Variants in POLN observed in about 807,000 individuals in gnomAD.
POLN encodes DNA polymerase N.
A neutral mutation model predicts 113.5 loss-of-function variants in POLN; 108 were observed. The ratio of observed to expected loss-of-function variants is 0.95; its 90% CI spans 0.81 to 1.12. The LOEUF is 1.12. POLN is among the 50% of genes most tolerant of loss of function. The pLI is 0.00. For synonymous variants in POLN, 386 were observed against 391.5 expected (o/e 0.99, Z 0.17); for missense variants, 1,097 against 1,077.1 (o/e 1.02, Z -0.26).
At chr4:2,167,903 A>G (rs994651198) in intron 13 of POLN, among the ~76,000 whole-genome samples, 1 of 152,176 alleles carries the variant, frequency 6.6e-6, no homozygotes, top group Non-Finnish European at 1.5e-5. Context: ...CTGTCTCAAA[A>G]AAAATTTTTT....
At chr4:2,157,513 TA>T (rs895170291) in intron 15 of POLN, among the ~76,000 whole-genome samples, 38 of 151,860 alleles carry the variant, frequency 2.5e-4, no homozygotes, top group African/African-American at 8.7e-4. Context: ...GATCACGACG[TA>T]AGAGTTTGAG....
At chr4:2,215,282 T>C (rs948270216) in intron 3 of POLN, among the ~76,000 whole-genome samples, 13 of 152,174 alleles carry the variant, frequency 8.5e-5, no homozygotes, top group Admixed American at 7.2e-4. Context: ...CTGAAGATGA[T>C]GACCTCATTT....
intron 9 of POLN, among the ~76,000 whole-genome samples, chr4:2,175,821 T>C (rs926752544): frequency 6.6e-6 from 1 of 152,186 alleles, no homozygotes. Context: ...AGCTACTGCC[T>C]GTCCCTGGAG....
At chr4:2,162,677 G>C (rs1732629061) in intron 13 of POLN, among the ~76,000 whole-genome samples, 1 of 151,820 alleles carries the variant, frequency 6.6e-6, no homozygotes, top group African/African-American at 2.4e-5. Flanking sequence ...GGCTGGTCTT[G>C]AACTCCTGGA....
At chr4:2,198,363 G>A (rs1164898253) in intron 6 of POLN, among the ~76,000 whole-genome samples, 161 bp downstream of exon 6, 1 of 152,134 alleles carries the variant, frequency 6.6e-6, no homozygotes, top group African/African-American at 2.4e-5. Flanking sequence ...GAGAGGGCCA[G>A]TATTTGCAGA....
At chr4:2,187,535 C>T (rs1216437820) in intron 7 of POLN, among the ~76,000 whole-genome samples, 1 of 152,136 alleles carries the variant, frequency 6.6e-6, no homozygotes. Context: ...TGAGCCACTG[C>T]GCCTGGCCCA....
At chr4:2,107,792 G>A (rs1284577359) in intron 19 of POLN, among the ~76,000 whole-genome samples, 1 of 152,168 alleles carries the variant, frequency 6.6e-6, no homozygotes, top group Non-Finnish European at 1.5e-5. Flanking sequence ...GGACAGCCAG[G>A]GAAAACTGCC....
chr4:2,237,260 A>T (rs559675382), intron 2 of POLN, among the ~76,000 whole-genome samples: 16 of 146,898 alleles, frequency 1.1e-4, no homozygotes, highest in Non-Finnish European at 1.9e-4. Flanking sequence ...TTGAAGCCCC[A>T]TCTCTACAAA....
At chr4:2,207,960 C>T in intron 5 of POLN, 27 bp downstream of exon 5, 1 of 1,553,180 alleles carries the variant, frequency 6.4e-7, no homozygotes. Context: ...GTCAAGACAG[C>T]AAATAAAAAC....
At chr4:2,241,349 G>A (rs1474098091) in intron 2 of POLN, among the ~76,000 whole-genome samples, 171 bp downstream of exon 2, 2 of 152,172 alleles carry the variant, frequency 1.3e-5, no homozygotes, top group East Asian at 1.9e-4. Flanking sequence ...AGATAAAATG[G>A]TTTAAAATGC....
At chr4:2,091,238 G>A (rs1169840672) in intron 20 of POLN, among the ~76,000 whole-genome samples, 1 of 152,210 alleles carries the variant, frequency 6.6e-6, no homozygotes, top group Non-Finnish European at 1.5e-5. Context: ...CAGAAGTCAT[G>A]CCTTGCTTTC....
At chr4:2,108,975 C>T (rs1057152233) in intron 19 of POLN, among the ~76,000 whole-genome samples, 1 of 151,862 alleles carries the variant, frequency 6.6e-6, no homozygotes, top group East Asian at 1.9e-4. Flanking sequence ...CAGGAGTGGG[C>T]GTCTGCTCTG....
intron 6 of POLN, among the ~76,000 whole-genome samples, chr4:2,196,810 T>G (rs1469492780): frequency 1.3e-5 from 2 of 152,166 alleles, no homozygotes; most frequent in Non-Finnish European, 1.5e-5. Context: ...CTCTGTACCT[T>G]TGTGTTTTCA....
Position 2,174,724 on chromosome 4 carries a change from T to C in POLN, c.1276A>G (p.Thr426Ala), listed in dbSNP as rs1732951694. The change falls in exon 10 of 26, where the codon ACT becomes GCT. Residue 426 changes from threonine to alanine, a missense_variant. Physicochemically the swap from Thr to Ala is moderately conservative, Grantham distance 58. Transcript: ENST00000511885. ...KDYGLWQLFR[T>A]LELPLIPILA... is the part of the protein sequence containing the mutation. ...ATTGGTATCAGAGGAAGCTCCAAAG[T>C]ACGAAATAGTTGCCATAAACCATAA... 6.2e-7 allele frequency: 1 copy of C among 1,609,766 alleles called. No individual in the cohort carries two copies.
chr4:2,075,380 G>T, intron 24 of POLN, 72 bp downstream of exon 24: 1 of 1,504,538 alleles, frequency 6.6e-7, no homozygotes, highest in Non-Finnish European at 9.2e-7. Context: ...TTCCTGGGCT[G>T]TGCCCATGGG....
rs776251337 is a variant in POLN, at chr4:2,170,661, A to G, written c.1554+18T>C. 2.5e-6 allele frequency: 4 copies of G among 1,598,252 alleles called. No individual in the cohort carries two copies. In the Admixed American group the frequency reaches 5.0e-5, roughly 20 times the overall value. ...TGCTGTCATTCTAAAAAGAAAAAGGATAACTCTGAAACCTTACCACTGCTT... is the reference window on the plus strand; with the variant it reads ...TGCTGTCATTCTAAAAAGAAAAAGGGTAACTCTGAAACCTTACCACTGCTT... On this transcript the variant is annotated intron_variant, in intron 13 of 25. Coordinates refer to ENST00000511885, the MANE Select transcript of POLN (RefSeq NM_181808.4).
chr4:2,129,834 A>C (rs1731676854), intron 17 of POLN, among the ~76,000 whole-genome samples: 1 of 152,196 alleles, frequency 6.6e-6, no homozygotes, highest in South Asian at 2.1e-4. Context: ...CAGTAAAAGC[A>C]ATCTTGAAAC....
At chr4:2,211,410 T>G (rs1560095414) in intron 4 of POLN, among the ~76,000 whole-genome samples, 1 of 152,192 alleles carries the variant, frequency 6.6e-6, no homozygotes, top group Middle Eastern at 3.4e-3. Context: ...GCAGAAATCA[T>G]GTACTTTGCA....
chr4:2,154,635 A>G (rs1342872572), intron 16 of POLN, among the ~76,000 whole-genome samples: 1 of 152,216 alleles, frequency 6.6e-6, no homozygotes, highest in African/African-American at 2.4e-5. Context: ...CAGAAATTCT[A>G]TCTCTAGGAA....
Sources: gnomAD v4.1 joint callset for allele counts (sites outside exome capture counted in the v4.1 genomes callset) on GRCh38, gnomAD v4.1.1 for gene constraint, MANE v1.5 for transcripts, NCBI Gene and HGNC (gene_info 2026-07-23, HGNC 2026-07-21) for gene names.